GRIA4: variants seen among roughly 807,000 people sequenced by gnomAD.
GRIA4 encodes glutamate receptor 4.
Under a neutral mutation model 104.0 loss-of-function variants are expected in GRIA4, and 34 were observed. The ratio of observed to expected loss-of-function variants is 0.33; its 90% CI spans 0.25 to 0.44. The LOEUF (loss-of-function observed/expected upper bound fraction) is 0.44, where lower values mean the gene tolerates loss of function less well. GRIA4 is among the 20% of genes least tolerant of loss of function. The pLI is 1.00. For missense variants in GRIA4, 750 were observed against 1,096.5 expected (o/e 0.68, Z 4.46); for synonymous variants, 386 against 381.9 (o/e 1.01, Z -0.13).
chr11:105,651,607 A>G (rs1951688628), intron 3 of GRIA4, among the ~76,000 whole-genome samples: 1 of 152,112 alleles, frequency 6.6e-6, no homozygotes, highest in African/African-American at 2.4e-5. Flanking sequence ...TTTTGGCTTC[A>G]TTAGCCACTG....
intron 3 of GRIA4, chr11:105,707,653 A>G (rs577292748): frequency 6.6e-6 from 1 of 152,368 alleles, no homozygotes; most frequent in Admixed American, 6.5e-5. Flanking sequence ...AATTCTTGCA[A>G]TGATAAATTT....
intron 4 of GRIA4, among the ~76,000 whole-genome samples, chr11:105,798,463 G>C (rs1361164899): frequency 6.6e-6 from 1 of 152,046 alleles, no homozygotes; most frequent in Non-Finnish European, 1.5e-5. Context: ...ATAAAAAGAG[G>C]AGAAAAGGAT....
Position 105,887,378 on chromosome 11 carries a change from G to T in GRIA4, c.673-141G>T, listed in dbSNP as rs2508467. The T allele has an allele frequency of 2.5e-5, 12 of 486,596 alleles. 1 individual carries two copies. In the South Asian group the frequency reaches 2.5e-4, roughly 10 times the overall value. The allele number at this position is 486,596 out of a possible 1,614,324, so 30.1% of individuals were successfully genotyped here. On this transcript the variant is annotated intron_variant, in intron 5 of 16. Coordinates refer to ENST00000282499, the MANE Select transcript of GRIA4 (RefSeq NM_000829.4). ...TGGCTTATCAATTCTTCTAACTATAGTACGTGACTTTTATTTTTTAAAAAA... is the reference window on the plus strand; with the variant it reads ...TGGCTTATCAATTCTTCTAACTATATTACGTGACTTTTATTTTTTAAAAAA...
At position 105,638,043 on chromosome 11, in the gene GRIA4, T is replaced by C. The variant is rs545848751; in HGVS notation, c.247+25609T>C. On this transcript the variant is annotated intron_variant, in intron 3 of 16. Transcript: ENST00000282499. ...TTATAATGGTATATTTTGCTACTAA[T>C]ATGTTTTGTGCGTTTGAACTAATGT... 6.6e-5 allele frequency among the ~76,000 whole-genome samples: 10 copies of C among 152,324 alleles called. No individual in the cohort carries two copies. The South Asian group carries it at 1.9e-3, about 28-fold the overall frequency.
At chr11:105,805,528 G>A (rs1333819871) in intron 4 of GRIA4, among the ~76,000 whole-genome samples, 1 of 135,972 alleles carries the variant, frequency 7.4e-6, no homozygotes, top group Non-Finnish European at 1.5e-5. Flanking sequence ...CATATCAGAA[G>A]CCAAATTTTG....
chr11:105,766,946 C>A (rs1221190325), intron 4 of GRIA4, among the ~76,000 whole-genome samples: 8 of 152,096 alleles, frequency 5.3e-5, no homozygotes, highest in Admixed American at 4.6e-4. Context: ...TCCCTATTGT[C>A]CTTTCTTGCT....
intron 3 of GRIA4, among the ~76,000 whole-genome samples, chr11:105,709,527 T>C (rs1456391881): frequency 6.6e-6 from 1 of 152,216 alleles, no homozygotes; most frequent in East Asian, 1.9e-4. Flanking sequence ...GGGAAAATAG[T>C]AACTTAACAG....
intron 4 of GRIA4, among the ~76,000 whole-genome samples, chr11:105,792,190 G>T (rs533535453): frequency 7.9e-5 from 12 of 152,066 alleles, no homozygotes; most frequent in Non-Finnish European, 1.5e-4. Context: ...TAACATAAAA[G>T]TAAACACCAG....
chr11:105,751,635 T>C (rs73635714), intron 3 of GRIA4, among the ~76,000 whole-genome samples: 1,604 of 152,284 alleles, frequency 0.011, 30 homozygotes, highest in African/African-American at 0.036. Flanking sequence ...TCAAAATAAA[T>C]GGTATTTCTA....
Position 105,610,964 on chromosome 11 carries a change from G to A in GRIA4, c.-34G>A. 1 of 1,399,292 alleles carries A rather than the reference G, an allele frequency of 7.1e-7. No homozygotes were observed. Among genetic ancestry groups the A allele is most frequent in the East Asian group, 2.3e-5 (1 of 43,688 alleles). The allele number at this position is 1,399,292 out of a possible 1,614,324, so 86.7% of individuals were successfully genotyped here. A position where few individuals can be genotyped will look rare whatever the true frequency, so the allele number is the denominator to read the frequency against. On this transcript the variant is annotated 5_prime_UTR_variant, in exon 2 of 17. Transcript: ENST00000282499. ...CTTTAGGAAGAGTGCGAGAGAAAGAGAGAGAGCGCGCGCCAGGGAGAGGAG... is the reference window on the plus strand; with the variant it reads ...CTTTAGGAAGAGTGCGAGAGAAAGAAAGAGAGCGCGCGCCAGGGAGAGGAG...
intron 3 of GRIA4, among the ~76,000 whole-genome samples, chr11:105,724,639 T>C (rs947179708): frequency 6.6e-6 from 1 of 151,866 alleles, no homozygotes; most frequent in African/African-American, 2.4e-5. Context: ...TTTGAAAGGG[T>C]TGGGGGGCAG....
intron 3 of GRIA4, among the ~76,000 whole-genome samples, chr11:105,680,343 A>G (rs956606534): frequency 1.3e-5 from 2 of 151,964 alleles, no homozygotes; most frequent in East Asian, 1.9e-4. Context: ...AGTACCATAT[A>G]TTGGATGTTG....
At chr11:105,841,232 C>CAA (rs547615865) in intron 4 of GRIA4, among the ~76,000 whole-genome samples, 4 of 142,616 alleles carry the variant, frequency 2.8e-5, no homozygotes, top group Admixed American at 7.0e-5. Flanking sequence ...GTGGGTTCTT[C>CAA]AAAAAAAAAA....
At chr11:105,724,264 T>C (rs779354468) in intron 3 of GRIA4, among the ~76,000 whole-genome samples, 2 of 151,840 alleles carry the variant, frequency 1.3e-5, no homozygotes, top group Non-Finnish European at 2.9e-5. Context: ...ATGGCAAAGA[T>C]AGGGACAGAA....
chr11:105,779,940 T>G (rs1339504537), intron 4 of GRIA4, among the ~76,000 whole-genome samples: 1 of 152,172 alleles, frequency 6.6e-6, no homozygotes, highest in African/African-American at 2.4e-5. Flanking sequence ...CTATGGAATC[T>G]TTCAGTGGGG....
intron 4 of GRIA4, among the ~76,000 whole-genome samples, chr11:105,858,815 C>T (rs1338783365): frequency 6.6e-6 from 1 of 152,128 alleles, no homozygotes; most frequent in South Asian, 2.1e-4. Context: ...CCAGTTCCCA[C>T]ATCTTTATCT....
At position 105,875,789 on chromosome 11, in the gene GRIA4, T is replaced by C. The variant is rs10444325; in HGVS notation, c.673-11730T>C. Among the ~76,000 whole-genome samples, 453 of 152,308 alleles carry C rather than the reference T, an allele frequency of 3.0e-3. 2 individuals carry two copies. Among genetic ancestry groups the C allele is most frequent in the Non-Finnish European group, 4.8e-3 (324 of 68,026 alleles). On this transcript the variant is annotated intron_variant, in intron 5 of 16. Coordinates refer to ENST00000282499, the MANE Select transcript of GRIA4 (RefSeq NM_000829.4). ...CTTTATTATTTTTTACCGTGTCTAT[T>C]TGATTCTTCTCTCTTTTCTTCTTTA...
intron 3 of GRIA4, among the ~76,000 whole-genome samples, chr11:105,721,345 T>C (rs542241694): frequency 1.4e-4 from 22 of 152,232 alleles, no homozygotes; most frequent in Admixed American, 1.4e-3. Flanking sequence ...TGTTCTCCTC[T>C]GCTTGAATTT....
chr11:105,750,535 C>T (rs185320301), intron 3 of GRIA4, among the ~76,000 whole-genome samples: 32 of 151,910 alleles, frequency 2.1e-4, no homozygotes, highest in East Asian at 9.7e-4. Flanking sequence ...TGCAAATGAA[C>T]GAAAGCAGAT....
Sources: gnomAD v4.1 joint callset for allele counts (sites outside exome capture counted in the v4.1 genomes callset) on GRCh38, gnomAD v4.1.1 for gene constraint, MANE v1.5 for transcripts, NCBI Gene and HGNC (gene_info 2026-07-23, HGNC 2026-07-21) for gene names.